GLB1: variants seen among roughly 807,000 people sequenced by gnomAD.
GLB1 encodes the protein beta-galactosidase.
Under a neutral mutation model 74.0 loss-of-function variants are expected in GLB1, and 56 were observed. The ratio of observed to expected loss-of-function variants is 0.76; its 90% CI spans 0.61 to 0.94. The LOEUF is 0.94. Among genes scored for constraint, GLB1 ranks in the 40% least tolerant of loss-of-function variants. The pLI is 0.00. For synonymous variants in GLB1, 323 were observed against 323.6 expected (o/e 1.00, Z 0.02); for missense variants, 787 against 845.5 (o/e 0.93, Z 0.86).
the GLB1 span, among the ~76,000 whole-genome samples, chr3:32,980,888 C>T: frequency 1.7e-3 from 256 of 150,694 alleles, 6 homozygotes; most frequent in East Asian, 0.013. Flanking sequence ...GTCAGAAGTT[C>T]GAGACCAGCC....
At chr3:33,025,151 G>A (rs144629360) in intron 10 of GLB1, among the ~76,000 whole-genome samples, 2,671 of 152,222 alleles carry the variant, frequency 0.018, 80 homozygotes, top group African/African-American at 0.061. Context: ...CTCCATGTTG[G>A]TCAGGCTGGT....
At chr3:32,994,343 G>A (rs935379146), downstream of GLB1, among the ~76,000 whole-genome samples, 17 of 152,276 alleles carry the variant, frequency 1.1e-4, no homozygotes, top group African/African-American at 1.4e-4. Flanking sequence ...GGCCGGGCAC[G>A]GTGGCTGAAA....
At chr3:33,050,174 A>C (rs1010455854) in intron 9 of GLB1, among the ~76,000 whole-genome samples, 1 of 152,188 alleles carries the variant, frequency 6.6e-6, no homozygotes, top group Non-Finnish European at 1.5e-5. Flanking sequence ...TTTTGTCATA[A>C]TTTTTCCTAC....
At chr3:33,091,051 C>T (rs1700738180) in intron 1 of GLB1, 1 of 985,254 alleles carries the variant, frequency 1.0e-6, no homozygotes. Context: ...CCAGCCGCAT[C>T]AAACAGTGGA....
intron 1 of GLB1, among the ~76,000 whole-genome samples, chr3:33,076,218 A>T (rs375634744): frequency 3.9e-5 from 6 of 152,304 alleles, no homozygotes; most frequent in African/African-American, 1.4e-4. Flanking sequence ...GAAGTTAGCC[A>T]TGGGGGAAGG....
In GLB1 at chr3:33,051,615, A is replaced by AAAAAAAAG. The variant is rs764769471; in HGVS notation, c.955+142_955+143insCTTTTTTT. 1.6e-3 allele frequency: 1,913 copies of AAAAAAAAG among 1,175,062 alleles called. 4 individuals are homozygous for AAAAAAAAG. Among genetic ancestry groups the AAAAAAAAG allele is most frequent in the East Asian group, 7.1e-3 (241 of 34,092 alleles). 72.8% of individuals were successfully genotyped at this position (1,175,062 alleles called of 1,614,324 possible). ...GTGAGACTGTCTACAAAAAAAAAAA[A>AAAAAAAAG]AAAAGAAAAAGAAAAAAAAAGAAAA... On this transcript the variant is annotated intron_variant, in intron 9 of 15. Transcript: ENST00000307363.
chr3:33,072,761 TC>T (rs1352230362), intron 1 of GLB1, 48 bp from the exon 2 acceptor site: 1 of 1,612,086 alleles, frequency 6.2e-7, no homozygotes, highest in Non-Finnish European at 8.5e-7. Context: ...CTTCTGCATT[TC>T]AGAAGCCGAT....
At chr3:33,013,460 T>C (rs1353596407) in intron 15 of GLB1, among the ~76,000 whole-genome samples, 1 of 152,074 alleles carries the variant, frequency 6.6e-6, no homozygotes. Context: ...GGCCACAGAA[T>C]GAGAAGTGTG....
the GLB1 span, among the ~76,000 whole-genome samples, chr3:32,964,135 T>C: frequency 1.2e-4 from 19 of 152,180 alleles, no homozygotes; most frequent in Non-Finnish European, 2.6e-4. Context: ...TCATGCTTGA[T>C]ATAAACAGAC....
the GLB1 span, among the ~76,000 whole-genome samples, chr3:32,979,521 T>C: frequency 2.0e-5 from 3 of 149,552 alleles, no homozygotes; most frequent in East Asian, 5.8e-4. Context: ...GTGTTTTTTC[T>C]TTTTTTTTCA....
chr3:32,993,402 C>T (rs1293376115), downstream of GLB1, among the ~76,000 whole-genome samples: 1 of 152,038 alleles, frequency 6.6e-6, no homozygotes, highest in Non-Finnish European at 1.5e-5. Flanking sequence ...GCCACCCAGG[C>T]TAGAGTGCAG....
At chr3:32,991,795 C>A (rs1696227908), downstream of GLB1, among the ~76,000 whole-genome samples, 1 of 152,188 alleles carries the variant, frequency 6.6e-6, no homozygotes, top group South Asian at 2.1e-4. Context: ...GAAGGAATTG[C>A]CAGATGGTTC....
chr3:33,073,513 C>A (rs1231824133), intron 1 of GLB1, among the ~76,000 whole-genome samples: 2 of 151,970 alleles, frequency 1.3e-5, no homozygotes, highest in Admixed American at 6.6e-5. Flanking sequence ...CATGGTGAAA[C>A]CCCATCTCTA....
At position 33,074,408 on chromosome 3, in the gene GLB1, G is replaced by GAAAGAAAGAAAGA. The variant is rs143322194; in HGVS notation, c.76-1696_76-1695insTCTTTCTTTCTTT. On this transcript the variant is annotated intron_variant, in intron 1 of 15. Coordinates refer to ENST00000307363, the MANE Select transcript of GLB1 (RefSeq NM_000404.4). The stretch of plus-strand genomic sequence containing the variant: ...AGGAAGGAAGAAAGAAAGAAAGAAA[G>GAAAGAAAGAAAGA]AATATTACACATAGTAAAGTATTAC... Among the ~76,000 whole-genome samples the GAAAGAAAGAAAGA allele has an allele frequency of 1.3e-4, 15 of 113,540 alleles. 1 individual carries two copies. Among genetic ancestry groups the GAAAGAAAGAAAGA allele is most frequent in the Non-Finnish European group, 2.2e-4 (11 of 50,824 alleles). 74.5% of individuals were successfully genotyped at this position (113,540 alleles called of 152,430 possible). A position where few individuals can be genotyped will look rare whatever the true frequency, so the allele number is the denominator to read the frequency against.
chr3:33,053,261 A>G (rs1258194833), intron 7 of GLB1, among the ~76,000 whole-genome samples: 3 of 152,176 alleles, frequency 2.0e-5, no homozygotes, highest in Admixed American at 2.0e-4. Context: ...GATGTGTAAC[A>G]GGCCATTCAT....
chr3:33,021,310 C>A (rs907355226), intron 12 of GLB1: 3 of 531,348 alleles, frequency 5.6e-6, no homozygotes, highest in Non-Finnish European at 1.0e-5. Flanking sequence ...ATAACTTGTA[C>A]AGAATTATGT....
chr3:33,031,892 G>T (rs550396545), intron 10 of GLB1, among the ~76,000 whole-genome samples: 1 of 151,612 alleles, frequency 6.6e-6, no homozygotes, highest in Non-Finnish European at 1.5e-5. Flanking sequence ...CTGCCTCCTG[G>T]GTTCAAGCGA....
At chr3:33,006,242 G>A (rs1696782984) in intron 15 of GLB1, among the ~76,000 whole-genome samples, 1 of 152,156 alleles carries the variant, frequency 6.6e-6, no homozygotes, top group Non-Finnish European at 1.5e-5. Flanking sequence ...AGGTGAGCGA[G>A]CATTACTGCC....
the GLB1 span, among the ~76,000 whole-genome samples, chr3:32,984,990 A>G: frequency 6.6e-6 from 1 of 150,652 alleles, no homozygotes; most frequent in Non-Finnish European, 1.5e-5. Flanking sequence ...CTGTGGTCCC[A>G]GCTATTTGGG....
Sources: allele counts gnomAD v4.1 joint callset (sites outside exome capture counted in the v4.1 genomes callset), GRCh38; gene constraint gnomAD v4.1.1; transcripts MANE v1.5; gene names NCBI Gene and HGNC (gene_info 2026-07-23, HGNC 2026-07-21).